KCNJ8: variants seen among roughly 807,000 people sequenced by gnomAD.
KCNJ8 encodes ATP-sensitive inward rectifier potassium channel 8.
Under a neutral mutation model 28.2 loss-of-function variants are expected in KCNJ8, and 13 were observed. The observed-to-expected ratio is 0.46, with a 90% CI of 0.30 to 0.73. The LOEUF (loss-of-function observed/expected upper bound fraction) is 0.73, where lower values mean the gene tolerates loss of function less well. Ranked by LOEUF, KCNJ8 falls within the 30% of genes least tolerant of loss-of-function variation. The pLI, the probability that KCNJ8 is intolerant of heterozygous loss-of-function variation, is 0.07. For synonymous variants in KCNJ8, 188 were observed against 195.9 expected (o/e 0.96, Z 0.34); for missense variants, 284 against 542.6 (o/e 0.52, Z 4.73).
intron 2 of KCNJ8, among the ~76,000 whole-genome samples, chr12:21,771,436 A>G (rs1940752741): frequency 6.6e-6 from 1 of 152,232 alleles, no homozygotes; most frequent in East Asian, 1.9e-4. Flanking sequence ...ATATTGGTCT[A>G]TTTTTTGACT....
At chr12:21,771,508 C>T (rs1172991012) in intron 2 of KCNJ8, among the ~76,000 whole-genome samples, 1 of 152,104 alleles carries the variant, frequency 6.6e-6, no homozygotes, top group African/African-American at 2.4e-5. Context: ...GAAAATGAGT[C>T]ACCCTAAGAG....
At chr12:21,772,228 T>C (rs1565661390) in intron 2 of KCNJ8, among the ~76,000 whole-genome samples, 2 of 152,224 alleles carry the variant, frequency 1.3e-5, no homozygotes, top group Non-Finnish European at 2.9e-5. Flanking sequence ...CCTGGTATCA[T>C]AATGCTTTTT....
At chr12:21,771,147 G>C (rs1309609818) in intron 2 of KCNJ8, among the ~76,000 whole-genome samples, 1 of 152,120 alleles carries the variant, frequency 6.6e-6, no homozygotes, top group Non-Finnish European at 1.5e-5. Flanking sequence ...CCCCAGAGAA[G>C]GGGTATGGAT....
chr12:21,767,313 C>T (rs1308619279), intron 2 of KCNJ8, among the ~76,000 whole-genome samples: 2 of 117,186 alleles, frequency 1.7e-5, no homozygotes, highest in Non-Finnish European at 3.5e-5. Context: ...CCCCAACCCC[C>T]CCCCCCCCCA....
At position 21,766,329 on chromosome 12, in the gene KCNJ8, G is replaced by A; in HGVS notation, c.669C>T (p.Ala223=). 6.2e-7 allele frequency: 1 copy of A among 1,614,192 alleles called. No homozygotes were observed. The highest frequency in any genetic ancestry group is 1.1e-5 in the South Asian group (1 of 91,084). ...TCTTGACCACCTGGATGCGCACAGAGGCACTAATGATCATGCTTTTCCTCA... is the reference window on the plus strand; with the variant it reads ...TCTTGACCACCTGGATGCGCACAGAAGCACTAATGATCATGCTTTTCCTCA... ...GDLRKSMIIS[A]SVRIQVVKKT... The change falls in exon 3 of 3, where the codon GCC becomes GCT. Residue 223 remains alanine, a synonymous_variant. Coordinates refer to ENST00000240662, the MANE Select transcript of KCNJ8 (RefSeq NM_004982.4). The surrounding 1 kb of genome is among the most constrained non-coding windows in gnomAD (Gnocchi z 6.5).
chr12:21,772,265 T>A (rs1940776960), intron 2 of KCNJ8, among the ~76,000 whole-genome samples: 1 of 152,238 alleles, frequency 6.6e-6, no homozygotes, highest in South Asian at 2.1e-4. Context: ...GTGAATTATG[T>A]GAATTTAAAA....
intron 2 of KCNJ8, among the ~76,000 whole-genome samples, chr12:21,767,234 G>A (rs866883156): frequency 1.6e-4 from 24 of 151,414 alleles, no homozygotes; most frequent in Non-Finnish European, 2.8e-4. Context: ...ATTTTTAATA[G>A]AAGGGAGTTG....
chr12:21,770,084 CT>C (rs1339594451), intron 2 of KCNJ8, among the ~76,000 whole-genome samples: 1 of 152,150 alleles, frequency 6.6e-6, no homozygotes, highest in Non-Finnish European at 1.5e-5. Flanking sequence ...ACAGATAAAT[CT>C]TTTGTGAAAA....
intron 2 of KCNJ8, among the ~76,000 whole-genome samples, chr12:21,768,528 C>A (rs781667824): frequency 6.6e-6 from 1 of 152,148 alleles, no homozygotes; most frequent in Non-Finnish European, 1.5e-5. Context: ...AGGAAATATT[C>A]GCTGTCTCTC....
chr12:21,769,345 AC>A (rs949846600), intron 2 of KCNJ8, among the ~76,000 whole-genome samples: 1 of 151,634 alleles, frequency 6.6e-6, no homozygotes, highest in African/African-American at 2.4e-5. Context: ...GCTGAGACTT[AC>A]TGCTCAGAAA....
intron 2 of KCNJ8, among the ~76,000 whole-genome samples, chr12:21,767,152 T>C (rs980688245): frequency 1.3e-5 from 2 of 152,138 alleles, no homozygotes; most frequent in Non-Finnish European, 2.9e-5. Flanking sequence ...CTAATACTTA[T>C]TTTGTGTCTC....
rs1565658554 is a variant in KCNJ8 at position 21,765,707 on chromosome 12, T to C, written c.*16A>G. 7 of 1,611,822 alleles carry C rather than the reference T, an allele frequency of 4.3e-6. No individual in the cohort carries two copies. The highest frequency in any genetic ancestry group is 3.4e-6 in the Non-Finnish European group (4 of 1,178,042). On this transcript the variant is annotated 3_prime_UTR_variant, in exon 3 of 3. Transcript: ENST00000240662. Reference sequence around the variant, plus strand: ...GTCAAAACTTGATAAAAGACTGTCTTGGGGTTATCTTGCTGTCATGATTCC... The same window carrying C: ...GTCAAAACTTGATAAAAGACTGTCTCGGGGTTATCTTGCTGTCATGATTCC...
rs1940816545 is a variant in KCNJ8 at position 21,773,716 on chromosome 12, TAAA to T, written c.-70-33_-70-31del. 6.5e-7 allele frequency: 1 copy of T among 1,535,678 alleles called. No homozygotes were observed. Among genetic ancestry groups the T allele is most frequent in the African/African-American group, 1.4e-5 (1 of 73,450 alleles). ...ACGAGGGAAACATTTATTAAAAACTTAAAAACCCACCCTATCCTCACCTCTTGG... is the reference window on the plus strand; with the variant it reads ...ACGAGGGAAACATTTATTAAAAACTTAACCCACCCTATCCTCACCTCTTGG... On this transcript the variant is annotated intron_variant, in intron 1 of 2. Coordinates refer to ENST00000240662, the MANE Select transcript of KCNJ8 (RefSeq NM_004982.4). The surrounding 1 kb of genome is among the most constrained non-coding windows in gnomAD (Gnocchi z 4.6).
At chr12:21,772,779 T>G (rs1183430252) in intron 2 of KCNJ8, among the ~76,000 whole-genome samples, 1 of 152,224 alleles carries the variant, frequency 6.6e-6, no homozygotes, top group African/African-American at 2.4e-5. Flanking sequence ...CCCTAGGGCC[T>G]TCCCATTTTT....
chr12:21,766,547 C>T lies in KCNJ8; in HGVS notation c.451G>A (p.Glu151Lys). Residue 151 changes from glutamate (E) to lysine (K), a missense_variant, in exon 3 of 3, where the codon GAA becomes AAA. Glu to Lys is a moderately conservative substitution (Grantham distance 56). Around this residue, in one of 8 missense-constraint regions of KCNJ8, gnomAD observed 16 missense variants for 25.2 expected, o/e 0.64. Coordinates refer to ENST00000240662, the MANE Select transcript of KCNJ8 (RefSeq NM_004982.4). This position sits in a 1 kb window ranked among gnomAD's most constrained non-coding sequence, Gnocchi z 6.5. ...IGFGGRMMTE[E>K]CPLAITVLIL... Reference sequence around the variant, plus strand: ...AAAACCGTGATGGCCAAAGGGCATTCCTCTGTCATCATCCTCCCTCCAAAC... The same window carrying T: ...AAAACCGTGATGGCCAAAGGGCATTTCTCTGTCATCATCCTCCCTCCAAAC... 6.2e-7 allele frequency: 1 copy of T among 1,609,588 alleles called. No homozygotes were observed. Among genetic ancestry groups the T allele is most frequent in the Non-Finnish European group, 8.5e-7 (1 of 1,179,888 alleles).
chr12:21,773,226 T>G lies in KCNJ8; in HGVS notation c.374+17A>C, dbSNP rs1201346741. The G allele has an allele frequency of 1.9e-6, 3 of 1,612,236 alleles. No homozygotes were observed. Among genetic ancestry groups the G allele is most frequent in the Non-Finnish European group, 2.5e-6 (3 of 1,179,896 alleles). On this transcript the variant is annotated intron_variant, in intron 2 of 2. Coordinates refer to ENST00000240662, the MANE Select transcript of KCNJ8 (RefSeq NM_004982.4). The surrounding 1 kb of genome is among the most constrained non-coding windows in gnomAD (Gnocchi z 4.6). ...TCTACTGTTTTCAACCCCTGCCTCA[T>G]CCCACTACATTCTTACCTGACATTA...
rs1765204826 is a variant in KCNJ8, at chr12:21,765,988, A to G, written c.1010T>C (p.Val337Ala). 1.9e-6 allele frequency: 3 copies of G among 1,614,104 alleles called. No individual in the cohort carries two copies. The highest frequency in any genetic ancestry group is 1.3e-5 in the African/African-American group (1 of 74,942). Residue 337 changes from valine (V) to alanine (A), a missense_variant, in exon 3 of 3, where the codon GTG (valine) becomes GCG (alanine). By Grantham distance (64) the Val-to-Ala change is moderately conservative. Transcript: ENST00000240662. Reference protein sequence around the residue: ...IVTEEEGVYSVDYSKFGNTVK... With the variant: ...IVTEEEGVYSADYSKFGNTVK... Reference sequence around the variant, plus strand: ...AGTGTTGCCAAATTTGGAGTAATCCACAGAATACACTCCTTCTTCCTCAGT... The same window carrying G: ...AGTGTTGCCAAATTTGGAGTAATCCGCAGAATACACTCCTTCTTCCTCAGT...
chr12:21,772,408 A>C (rs1009652935), intron 2 of KCNJ8, among the ~76,000 whole-genome samples: 1 of 152,218 alleles, frequency 6.6e-6, no homozygotes, highest in African/African-American at 2.4e-5. Flanking sequence ...AATCACCTCA[A>C]CTAAATGTTC....
rs1940639755 is a variant in KCNJ8, at chr12:21,766,954, T to C, written c.375-331A>G. On this transcript the variant is annotated intron_variant, in intron 2 of 2. Transcript: ENST00000240662. The surrounding 1 kb of genome is among the most constrained non-coding windows in gnomAD (Gnocchi z 6.5). ...TGTGTAAAAGATTAATATATTTTCA[T>C]ATATATGCATATTTTACCTTGCGAA... Among the ~76,000 whole-genome samples the C allele has an allele frequency of 6.6e-6, 1 of 152,220 alleles. No homozygotes were observed. Among genetic ancestry groups the C allele is most frequent in the Non-Finnish European group, 1.5e-5 (1 of 68,026 alleles).
Sources: gnomAD v4.1 joint callset for allele counts (sites outside exome capture counted in the v4.1 genomes callset) on GRCh38, gnomAD v4.1.1 for gene constraint, gnomAD v4.1.1 regional missense constraint, Gnocchi (gnomAD v3.1) non-coding constraint, MANE v1.5 for transcripts, NCBI Gene and HGNC (gene_info 2026-07-23, HGNC 2026-07-21) for gene names.